GAS2: variants seen among roughly 807,000 people sequenced by gnomAD.
The protein encoded by GAS2 is growth arrest specific 2, also known as growth arrest-specific protein 2.
GAS2 carries 20 observed loss-of-function variants against 37.5 expected under a neutral mutation model. That is an observed-to-expected ratio of 0.53 (90% CI 0.37 to 0.77). The LOEUF is 0.77. GAS2 is among the 30% of genes least tolerant of loss of function. The pLI, the probability that GAS2 is intolerant of heterozygous loss-of-function variation, is 0.00. For missense variants in GAS2, 336 were observed against 373.4 expected, an observed-to-expected ratio of 0.90 and a Z score of 0.82; for synonymous variants, 144 against 132.2, an observed-to-expected ratio of 1.09 and a Z score of -0.61.
At chr11:22,765,233 C>T (rs1479750325) in intron 7 of GAS2, among the ~76,000 whole-genome samples, 3 of 151,950 alleles carry the variant, frequency 2.0e-5, no homozygotes, top group African/African-American at 7.3e-5. Flanking sequence ...CAGATAGACA[C>T]ACACCTCCAT....
At chr11:22,689,647 T>A (rs1371661898) in intron 3 of GAS2, among the ~76,000 whole-genome samples, 2 of 152,232 alleles carry the variant, frequency 1.3e-5, no homozygotes, top group African/African-American at 4.8e-5. Flanking sequence ...AAAAGACTTA[T>A]GAGATTGTAA....
chr11:22,760,794 C>T (rs1436396529), intron 7 of GAS2, among the ~76,000 whole-genome samples: 3 of 152,056 alleles, frequency 2.0e-5, no homozygotes, highest in Non-Finnish European at 4.4e-5. Flanking sequence ...CTTCAAATTT[C>T]TGATGATCAT....
intron 7 of GAS2, among the ~76,000 whole-genome samples, chr11:22,770,581 A>G (rs1854928690): frequency 6.6e-6 from 1 of 152,218 alleles, no homozygotes; most frequent in African/African-American, 2.4e-5. Flanking sequence ...GATATCTGTC[A>G]TCTTCAGCAA....
intron 2 of GAS2, among the ~76,000 whole-genome samples, chr11:22,682,890 A>AGG (rs1158549833): frequency 1.1e-4 from 6 of 53,430 alleles, no homozygotes; most frequent in African/African-American, 4.5e-4. Context: ...AAAAAAAGGA[A>AGG]AAAAAAAAAA....
chr11:22,770,485 CACTT>C (rs1389414707), intron 7 of GAS2, among the ~76,000 whole-genome samples: 1 of 152,156 alleles, frequency 6.6e-6, no homozygotes, highest in Non-Finnish European at 1.5e-5. Flanking sequence ...TTAAACGTTT[CACTT>C]ACTTAACAAT....
At chr11:22,637,245 TTAATAGTATAC>T (rs1858840316) in intron 1 of GAS2, among the ~76,000 whole-genome samples, 17 of 47,224 alleles carry the variant, frequency 3.6e-4, no homozygotes, top group African/African-American at 9.9e-4. Flanking sequence ...ATTAATTATA[TTAATAGTATAC>T]TAATATATTA....
intron 1 of GAS2, among the ~76,000 whole-genome samples, chr11:22,660,751 GA>G (rs1400265176): frequency 6.6e-6 from 1 of 152,262 alleles, no homozygotes; most frequent in East Asian, 1.9e-4. Context: ...AATGACTCTA[GA>G]GACTAAGTGA....
chr11:22,683,332 A>G (rs914992060), intron 2 of GAS2, among the ~76,000 whole-genome samples: 4 of 152,118 alleles, frequency 2.6e-5, no homozygotes, highest in Non-Finnish European at 5.9e-5. Flanking sequence ...GTGGTGTGAT[A>G]TCTGCTCACT....
At chr11:22,756,891 T>C (rs909419657) in intron 7 of GAS2, among the ~76,000 whole-genome samples, 30 of 152,140 alleles carry the variant, frequency 2.0e-4, no homozygotes, top group African/African-American at 7.2e-4. Context: ...TTGCTTATTG[T>C]TCTTTTGTTC....
chr11:22,650,915 T>G (rs1039565691), intron 1 of GAS2, among the ~76,000 whole-genome samples: 28 of 151,336 alleles, frequency 1.9e-4, no homozygotes, highest in African/African-American at 5.3e-4. Context: ...TTAGTCCATT[T>G]ACATTTAAAG....
At position 22,674,844 on chromosome 11, in the gene GAS2, A is replaced by G; in HGVS notation, c.-20-6A>G. ...AAAAGCAATTGCTCTTTTGTTTCCA[A>G]AACAGGTATTACAAGTGGATAAATA... is the stretch of plus-strand genomic sequence containing the variant. On this transcript the variant is annotated splice_polypyrimidine_tract_variant and splice_region_variant and intron_variant, in intron 1 of 7. Coordinates refer to ENST00000454584, the MANE Select transcript of GAS2 (RefSeq NM_001143830.3). The G allele has an allele frequency of 6.4e-7, 1 of 1,552,792 alleles. No homozygotes were observed. The highest frequency in any genetic ancestry group is 8.7e-7 in the Non-Finnish European group (1 of 1,149,512).
chr11:22,779,045 G>GA (rs1855411109), intron 7 of GAS2, among the ~76,000 whole-genome samples: 1 of 136,442 alleles, frequency 7.3e-6, no homozygotes, highest in Non-Finnish European at 1.6e-5. Context: ...TAAGTTTTTT[G>GA]TTTTTTTTTT....
At chr11:22,737,558 G>A in intron 4 of GAS2, 147 bp from the exon 5 acceptor site, 2 of 691,948 alleles carry the variant, frequency 2.9e-6, no homozygotes, top group Non-Finnish European at 5.2e-6. Context: ...TAGATGTATT[G>A]AGGTATGGGA....
At chr11:22,649,425 G>C (rs1346390792) in intron 1 of GAS2, among the ~76,000 whole-genome samples, 1 of 152,010 alleles carries the variant, frequency 6.6e-6, no homozygotes, top group African/African-American at 2.4e-5. Flanking sequence ...GATGATGCTG[G>C]CCTCATAAAA....
rs1316897993 is a variant in GAS2 at position 22,685,597 on chromosome 11, G to C, written c.146-71G>C. ...ATAGCAATTTTAGTGATAAAACTGT[G>C]TCAAATATTTTATTTAGTGTGAATC... On this transcript the variant is annotated intron_variant, in intron 2 of 7. Coordinates refer to ENST00000454584, the MANE Select transcript of GAS2 (RefSeq NM_001143830.3). 4 of 1,503,772 alleles carry C rather than the reference G, an allele frequency of 2.7e-6. No individual in the cohort carries two copies. The South Asian group carries it at 5.0e-5, about 19-fold the overall frequency. 93.2% of individuals were successfully genotyped at this position (1,503,772 alleles called of 1,614,324 possible).
intron 7 of GAS2, among the ~76,000 whole-genome samples, chr11:22,757,823 T>A (rs549255412): frequency 6.6e-6 from 1 of 152,274 alleles, no homozygotes; most frequent in Non-Finnish European, 1.5e-5. Context: ...GAAATACCTA[T>A]CCTTTGGCTT....
At chr11:22,682,032 G>GT (rs2133924367) in intron 2 of GAS2, among the ~76,000 whole-genome samples, 1 of 151,884 alleles carries the variant, frequency 6.6e-6, no homozygotes, top group East Asian at 1.9e-4. Flanking sequence ...TCAGACTTGT[G>GT]TTTTTTCTTC....
intron 1 of GAS2, among the ~76,000 whole-genome samples, chr11:22,637,956 A>AT (rs1376715266): frequency 1.3e-5 from 2 of 151,924 alleles, no homozygotes; most frequent in African/African-American, 4.8e-5. Flanking sequence ...CCTTACATAT[A>AT]TTCCCACTTT....
intron 7 of GAS2, among the ~76,000 whole-genome samples, chr11:22,758,923 A>AAAAAAAAAAAAAAAAAG (rs1392315841): frequency 6.6e-6 from 1 of 150,694 alleles, no homozygotes; most frequent in East Asian, 1.9e-4. Context: ...CAAAAAAAAA[A>AAAAAAAAAAAAAAAAAG]AAAAGAGAAA....
Sources: allele counts gnomAD v4.1 joint callset (sites outside exome capture counted in the v4.1 genomes callset), GRCh38; gene constraint gnomAD v4.1.1; transcripts MANE v1.5; gene names NCBI Gene and HGNC (gene_info 2026-07-23, HGNC 2026-07-21).